SEC13: variants seen among roughly 807,000 people sequenced by gnomAD.
SEC13 encodes SEC13 homolog, nuclear pore and COPII component.
A neutral mutation model predicts 49.2 loss-of-function variants in SEC13; 25 were observed. The observed-to-expected ratio is 0.51, with a 90% confidence interval of 0.37 to 0.71. SEC13 has a LOEUF of 0.71. SEC13 is among the 30% of genes least tolerant of loss of function. The probability of loss-of-function intolerance (pLI) is 0.00; values close to 1 mark genes in which losing one functional copy is unlikely to be tolerated. For synonymous variants in SEC13, 148 were observed against 163.9 expected, an observed-to-expected ratio of 0.90 and a Z score of 0.74; for missense variants, 383 against 417.6, an observed-to-expected ratio of 0.92 and a Z score of 0.72.
At chr3:10,320,172 CAA>C (rs2059751419) in intron 1 of SEC13, among the ~76,000 whole-genome samples, 3 of 152,172 alleles carry the variant, frequency 2.0e-5, no homozygotes. Flanking sequence ...ATAAAAGCCT[CAA>C]CTCTAACCTG....
intron 3 of SEC13, chr3:10,313,100 T>C (rs1243709351): frequency 1.2e-5 from 3 of 241,962 alleles, no homozygotes; most frequent in East Asian, 8.6e-5. Context: ...AGGAAATATT[T>C]GTAGACTGAA....
At chr3:10,302,628 A>T (rs968834555) in intron 8 of SEC13, among the ~76,000 whole-genome samples, 4 of 152,298 alleles carry the variant, frequency 2.6e-5, no homozygotes, top group Admixed American at 6.5e-5. Context: ...CTCACTAGAA[A>T]TATGGCTTTG....
intron 2 of SEC13, among the ~76,000 whole-genome samples, chr3:10,316,186 G>C (rs1002658327): frequency 2.0e-5 from 3 of 152,180 alleles, no homozygotes; most frequent in African/African-American, 7.2e-5. Context: ...CAGGGTGATG[G>C]TCTCTGAGGC....
In SEC13 at chr3:10,320,632, G is replaced by A. The variant is rs950844614; in HGVS notation, c.3+418C>T. 3 of 1,009,858 alleles carry A rather than the reference G, an allele frequency of 3.0e-6. No homozygotes were observed. In the East Asian group the frequency reaches 2.9e-4, roughly 96 times the overall value. The allele number at this position is 1,009,858 out of a possible 1,614,324, so 62.6% of individuals were successfully genotyped here. A position where few individuals can be genotyped will look rare whatever the true frequency, so the allele number is the denominator to read the frequency against. The stretch of plus-strand genomic sequence containing the variant: ...CTACCACTTAAGCAGCTGTGCAAGA[G>A]GCTCCACGTCTCCGAACCTCAAGTG... On this transcript the variant is annotated intron_variant, in intron 1 of 8. Coordinates refer to ENST00000350697, the MANE Select transcript of SEC13 (RefSeq NM_183352.3).
chr3:10,302,483 C>G (rs367909252), intron 8 of SEC13, among the ~76,000 whole-genome samples: 29 of 152,246 alleles, frequency 1.9e-4, no homozygotes, highest in African/African-American at 7.0e-4. Context: ...GTGACGGGCC[C>G]CACAACACTG....
At chr3:10,315,279 A>C in intron 3 of SEC13, 42 bp downstream of exon 3, 13 of 1,434,930 alleles carry the variant, frequency 9.1e-6, no homozygotes, top group Non-Finnish European at 1.3e-5. Flanking sequence ...CTGAGAACCC[A>C]CACCATTCCT....
rs778138623 is a variant in SEC13, at chr3:10,301,120, C to T, written c.*141G>A. The T allele has an allele frequency of 6.2e-7, 1 of 1,613,678 alleles. No homozygotes were observed. The highest frequency in any genetic ancestry group is 2.2e-5 in the East Asian group (1 of 44,880). ...CTCCGATCACGTTAAGGCAGATGAT[C>T]AATCTGTGGCTGCATCTGTAACTCC... On this transcript the variant is annotated 3_prime_UTR_variant, in exon 9 of 9. Transcript: ENST00000350697.
intron 1 of SEC13, among the ~76,000 whole-genome samples, chr3:10,319,993 AGAGG>A (rs2059747257): frequency 1.6e-5 from 1 of 60,752 alleles, no homozygotes; most frequent in Non-Finnish European, 3.2e-5. Context: ...GAGTGGGGAG[AGAGG>A]GAGGGTGGGG....
chr3:10,310,568 A>ATGAC (rs1193933926), intron 5 of SEC13, among the ~76,000 whole-genome samples: 8 of 152,186 alleles, frequency 5.3e-5, no homozygotes, highest in East Asian at 3.8e-4. Flanking sequence ...TGTAACCAAA[A>ATGAC]TGACAGACAT....
intron 8 of SEC13, among the ~76,000 whole-genome samples, chr3:10,302,249 C>CA (rs1043342680): frequency 6.6e-6 from 1 of 151,968 alleles, no homozygotes; most frequent in Non-Finnish European, 1.5e-5. Flanking sequence ...AAAAACAAAA[C>CA]AAAAAACAAA....
At chr3:10,310,213 G>A (rs569835066) in intron 5 of SEC13, among the ~76,000 whole-genome samples, 7 of 152,164 alleles carry the variant, frequency 4.6e-5, no homozygotes, top group Admixed American at 3.9e-4. Flanking sequence ...AATAAGGGCC[G>A]GGTGTGGTGG....
intron 5 of SEC13, among the ~76,000 whole-genome samples, chr3:10,308,703 T>A (rs987698609): frequency 6.6e-6 from 1 of 151,630 alleles, no homozygotes; most frequent in African/African-American, 2.4e-5. Flanking sequence ...AGTCACAAGG[T>A]TCCTTTTCTC....
At chr3:10,305,973 CTTT>C in intron 5 of SEC13, 1 of 278,134 alleles carries the variant, frequency 3.6e-6, no homozygotes, top group East Asian at 6.2e-5. Context: ...TACATTGGAG[CTTT>C]TTTTTAAGAA....
intron 4 of SEC13, 25 bp downstream of exon 4, chr3:10,312,554 C>A: frequency 6.2e-7 from 1 of 1,612,846 alleles, no homozygotes; most frequent in Non-Finnish European, 8.5e-7. Context: ...TCCCCTTGCC[C>A]GCTCTGCTGC....
intron 3 of SEC13, chr3:10,313,946 C>T (rs1197627262): frequency 6.5e-6 from 1 of 153,876 alleles, no homozygotes; most frequent in Non-Finnish European, 1.4e-5. Flanking sequence ...TGGACACTGA[C>T]TTAGTTTATG....
At chr3:10,318,286 T>C (rs1384179289) in intron 1 of SEC13, among the ~76,000 whole-genome samples, 192 bp from the exon 2 acceptor site, 1 of 152,110 alleles carries the variant, frequency 6.6e-6, no homozygotes. Context: ...GAGGAACTTT[T>C]TGCCCTTGAG....
At chr3:10,315,530 A>C (rs1574888780) in intron 2 of SEC13, 94 bp from the exon 3 acceptor site, 6 of 699,840 alleles carry the variant, frequency 8.6e-6, no homozygotes, top group Non-Finnish European at 1.5e-5. Context: ...TTTGGACCAG[A>C]ATCTCCCTGA....
chr3:10,310,614 T>C (rs957436697), intron 5 of SEC13, among the ~76,000 whole-genome samples: 2 of 152,212 alleles, frequency 1.3e-5, no homozygotes, highest in African/African-American at 4.8e-5. Context: ...AGAACCCTCA[T>C]ACACTGCTGA....
At chr3:10,307,350 A>T (rs922299820) in intron 5 of SEC13, among the ~76,000 whole-genome samples, 1 of 152,032 alleles carries the variant, frequency 6.6e-6, no homozygotes, top group African/African-American at 2.4e-5. Flanking sequence ...CTGGGACTGC[A>T]GGTGTGTGCC....
Sources: gnomAD v4.1 joint callset for allele counts (sites outside exome capture counted in the v4.1 genomes callset) on GRCh38, gnomAD v4.1.1 for gene constraint, MANE v1.5 for transcripts, NCBI Gene and HGNC (gene_info 2026-07-23, HGNC 2026-07-21) for gene names.